The following AP3B1 variants were observed in gnomAD, a reference collection of about 807,000 sequenced individuals.
AP3B1 encodes AP-3 complex subunit beta-1.
A neutral mutation model predicts 132.5 loss-of-function variants in AP3B1; 61 were observed. The ratio of observed to expected loss-of-function variants is 0.46; its 90% CI spans 0.37 to 0.57. AP3B1 has a LOEUF of 0.57. Ranked by LOEUF, AP3B1 falls within the 20% of genes least tolerant of loss-of-function variation. The pLI is 0.00. For missense variants in AP3B1, 1,120 were observed against 1,289.4 expected (o/e 0.87, Z 2.01); for synonymous variants, 388 against 438.3 (o/e 0.89, Z 1.43).
At chr5:78,266,429 T>A (rs10038089) in intron 2 of AP3B1, among the ~76,000 whole-genome samples, 36,269 of 152,048 alleles carry the variant, frequency 0.24, 5,156 homozygotes, top group Non-Finnish European at 0.32. Flanking sequence ...ATACAATTAG[T>A]ACTTGACTTT....
intron 1 of AP3B1, 40 bp downstream of exon 1, chr5:78,294,412 T>C: frequency 6.2e-7 from 1 of 1,613,170 alleles, no homozygotes; most frequent in Non-Finnish European, 8.5e-7. Context: ...AGTCCGCAGC[T>C]CCTCCCTCCC....
intron 3 of AP3B1, among the ~76,000 whole-genome samples, chr5:78,237,896 G>A (rs768901560): frequency 2.6e-5 from 4 of 152,212 alleles, no homozygotes; most frequent in African/African-American, 4.8e-5. Flanking sequence ...TGAGAAATGC[G>A]TCGTTGGACA....
chr5:78,072,676 C>T (rs1324706838), intron 22 of AP3B1, among the ~76,000 whole-genome samples: 8 of 149,562 alleles, frequency 5.3e-5, no homozygotes, highest in African/African-American at 2.0e-4. Flanking sequence ...AATTATATTC[C>T]CTGAATGATT....
At chr5:78,048,007 G>A (rs1748414971) in intron 22 of AP3B1, among the ~76,000 whole-genome samples, 1 of 152,226 alleles carries the variant, frequency 6.6e-6, no homozygotes, top group African/African-American at 2.4e-5. Context: ...GCAACTGACT[G>A]AAAGGGTGAA....
At chr5:78,018,742 T>C (rs888746786) in intron 25 of AP3B1, among the ~76,000 whole-genome samples, 3 of 151,894 alleles carry the variant, frequency 2.0e-5, no homozygotes, top group African/African-American at 4.8e-5. Flanking sequence ...GAATTTTGCA[T>C]TGATAAAATC....
chr5:78,228,263 C>G, intron 3 of AP3B1, 24 bp from the exon 4 acceptor site: 2 of 1,566,932 alleles, frequency 1.3e-6, no homozygotes, highest in Non-Finnish European at 1.7e-6. Flanking sequence ...ATCATTTATT[C>G]ATAACCAGAG....
intron 2 of AP3B1, among the ~76,000 whole-genome samples, chr5:78,247,651 T>C (rs533674032): frequency 1.8e-4 from 28 of 152,114 alleles, no homozygotes; most frequent in Admixed American, 5.9e-4. Context: ...CTGATATAAA[T>C]AGATTCATCT....
rs147118379 is a variant in AP3B1 at position 78,187,685 on chromosome 5, T to C, written c.787-6023A>G. 1.8e-3 allele frequency among the ~76,000 whole-genome samples: 270 copies of C among 152,316 alleles called. 1 individual carries two copies. The highest frequency in any genetic ancestry group is 6.2e-3 in the African/African-American group (258 of 41,572). On this transcript the variant is annotated intron_variant, in intron 7 of 26. Transcript: ENST00000255194. ...AAAGCAATTTATAGATTCAATGCTA[T>C]TCCCATTAAACTACCATTGACATTC...
At chr5:78,151,166 G>A (rs762179038) in intron 14 of AP3B1, among the ~76,000 whole-genome samples, 4 of 152,096 alleles carry the variant, frequency 2.6e-5, no homozygotes, top group South Asian at 2.1e-4. Flanking sequence ...TGATCCACCC[G>A]CCTTGGCCTC....
intron 22 of AP3B1, among the ~76,000 whole-genome samples, chr5:78,048,973 T>C (rs1748461014): frequency 6.6e-6 from 1 of 152,180 alleles, no homozygotes; most frequent in African/African-American, 2.4e-5. Context: ...GATCACAGAC[T>C]CAGGTAAGGC....
At chr5:78,087,421 G>T in intron 22 of AP3B1, 1 of 548,702 alleles carries the variant, frequency 1.8e-6, no homozygotes, top group Non-Finnish European at 2.3e-6. Context: ...ATGACATTCT[G>T]CAGTAGAATA....
intron 1 of AP3B1, among the ~76,000 whole-genome samples, chr5:78,293,293 T>G (rs891672037): frequency 1.3e-5 from 2 of 152,218 alleles, no homozygotes; most frequent in South Asian, 4.1e-4. Context: ...TCTAAACATT[T>G]TGCTAATAGT....
intron 26 of AP3B1, among the ~76,000 whole-genome samples, chr5:78,008,907 G>A (rs1223817003): frequency 6.6e-6 from 1 of 152,028 alleles, no homozygotes; most frequent in Non-Finnish European, 1.5e-5. Context: ...TAACTCAAAA[G>A]TTAATCAAAC....
At chr5:78,290,384 G>A (rs2112599243) in intron 1 of AP3B1, among the ~76,000 whole-genome samples, 1 of 152,190 alleles carries the variant, frequency 6.6e-6, no homozygotes, top group African/African-American at 2.4e-5. Flanking sequence ...ACCATTCCCA[G>A]CCTCAGTCTT....
At chr5:78,075,207 T>C (rs1749715799) in intron 22 of AP3B1, among the ~76,000 whole-genome samples, 1 of 152,104 alleles carries the variant, frequency 6.6e-6, no homozygotes, top group South Asian at 2.1e-4. Flanking sequence ...GGAGGATATA[T>C]CTAAGATAAG....
intron 9 of AP3B1, 95 bp from the exon 10 acceptor site, chr5:78,175,933 C>G: frequency 1.0e-6 from 1 of 974,382 alleles, no homozygotes; most frequent in Non-Finnish European, 1.6e-6. Context: ...GCAATAATTT[C>G]AAGTGAATGA....
At chr5:78,028,367 G>A (rs1580256553) in intron 24 of AP3B1, among the ~76,000 whole-genome samples, 1 of 151,822 alleles carries the variant, frequency 6.6e-6, no homozygotes, top group East Asian at 1.9e-4. Context: ...GGCTGAGGCA[G>A]GCAAGAGAAT....
intron 7 of AP3B1, among the ~76,000 whole-genome samples, chr5:78,202,532 T>C (rs1745336864): frequency 6.7e-6 from 1 of 149,562 alleles, no homozygotes; most frequent in African/African-American, 2.5e-5. Flanking sequence ...GTACATACAC[T>C]AAACATATGC....
intron 1 of AP3B1, among the ~76,000 whole-genome samples, chr5:78,283,374 G>A (rs554922729): frequency 3.9e-5 from 6 of 152,136 alleles, no homozygotes; most frequent in Admixed American, 6.5e-5. Context: ...ATTAAGTTTC[G>A]CCCTTTCCTT....
Sources: gnomAD v4.1 joint callset for allele counts (sites outside exome capture counted in the v4.1 genomes callset) on GRCh38, gnomAD v4.1.1 for gene constraint, MANE v1.5 for transcripts, NCBI Gene and HGNC (gene_info 2026-07-23, HGNC 2026-07-21) for gene names.